Variants in LAMA2 observed in about 807,000 individuals in gnomAD.
The protein encoded by LAMA2 is laminin subunit alpha-2.
In LAMA2, 269 loss-of-function variants were observed where a neutral mutation model predicts 364.8. That is an observed-to-expected ratio of 0.74 (90% CI 0.67 to 0.82). The LOEUF (loss-of-function observed/expected upper bound fraction) is 0.82, where lower values mean the gene tolerates loss of function less well. Among genes scored for constraint, LAMA2 ranks in the 40% least tolerant of loss-of-function variants. The pLI, the probability that LAMA2 is intolerant of heterozygous loss-of-function variation, is 0.00. For missense variants in LAMA2, 3,807 were observed against 3,873.2 expected (o/e 0.98, Z 0.45); for synonymous variants, 1,379 against 1,370.6 (o/e 1.01, Z -0.14).
intron 12 of LAMA2, among the ~76,000 whole-genome samples, chr6:129,225,857 G>A (rs1225954921): frequency 6.6e-6 from 1 of 152,112 alleles, no homozygotes; most frequent in Non-Finnish European, 1.5e-5. Context: ...GGTCCACTTG[G>A]TGCAGAGCTG....
At chr6:129,377,258 T>G (rs1778423897) in intron 34 of LAMA2, among the ~76,000 whole-genome samples, 1 of 152,108 alleles carries the variant, frequency 6.6e-6, no homozygotes, top group African/African-American at 2.4e-5. Flanking sequence ...AAATGAAACA[T>G]TTCCAAAAGG....
chr6:129,401,641 A>G (rs1430789901), intron 38 of LAMA2, among the ~76,000 whole-genome samples: 1 of 152,232 alleles, frequency 6.6e-6, no homozygotes, highest in African/African-American at 2.4e-5. Context: ...TTCAATATTT[A>G]TATAACATTA....
chr6:129,212,749 C>T (rs899242856), intron 12 of LAMA2, among the ~76,000 whole-genome samples: 2 of 152,202 alleles, frequency 1.3e-5, no homozygotes, highest in Non-Finnish European at 2.9e-5. Context: ...TTTGCTTTCA[C>T]TTAGGAAGCA....
chr6:129,216,454 A>G (rs779805055), intron 12 of LAMA2, among the ~76,000 whole-genome samples: 2 of 152,194 alleles, frequency 1.3e-5, no homozygotes, highest in Non-Finnish European at 2.9e-5. Context: ...GATTTTTACT[A>G]TTCTAGAATA....
In LAMA2 at chr6:129,514,471, T is replaced by G; in HGVS notation, c.9087T>G (p.Thr3029=). The G allele has an allele frequency of 1.2e-6, 2 of 1,614,082 alleles. No individual in the cohort carries two copies. Among genetic ancestry groups the G allele is most frequent in the Non-Finnish European group, 1.7e-6 (2 of 1,179,996 alleles). ...GTGATGGACAATGGCATAAAGTCAC[T>G]GCCAACAAGATCAAACACCGCATTG... ...HLCDGQWHKV[T]ANKIKHRIEL... The change falls in exon 64 of 65, where the codon ACT becomes ACG. Residue 3029 remains threonine (T), a synonymous_variant. Transcript: ENST00000421865.
At chr6:129,335,356 G>GTAGATAGATAGATAGA (rs35228622) in intron 29 of LAMA2, among the ~76,000 whole-genome samples, 19 of 148,482 alleles carry the variant, frequency 1.3e-4, no homozygotes, top group African/African-American at 2.5e-4. Context: ...TAGTAAGTAG[G>GTAGATAGATAGATAGA]TAGATAGATA....
Position 129,464,366 on chromosome 6 carries a change from T to C in LAMA2, c.7069T>C (p.Trp2357Arg), listed in dbSNP as rs566627612. Residue 2357 changes from tryptophan to arginine, a missense_variant, in exon 50 of 65, where the codon TGG (tryptophan) becomes CGG (arginine). Around this residue, in one of 3 missense-constraint regions of LAMA2, gnomAD observed 3,333 missense variants for 3,345.7 expected, o/e 1.00. Coordinates refer to ENST00000421865, the MANE Select transcript of LAMA2 (RefSeq NM_000426.4). ...TGCATTGGTCAGCCGTCCCATTCGC[T>C]GGTACCCCAACATCTCCACTGTCAT... ...GYALVSRPIR[W>R]YPNISTVMFK... 3 of 1,611,966 alleles carry C rather than the reference T, an allele frequency of 1.9e-6. No individual in the cohort carries two copies. Among genetic ancestry groups the C allele is most frequent in the Admixed American group, 1.7e-5 (1 of 59,862 alleles).
intron 19 of LAMA2, among the ~76,000 whole-genome samples, chr6:129,290,281 T>C (rs1477345703): frequency 6.6e-6 from 1 of 152,140 alleles, no homozygotes; most frequent in Non-Finnish European, 1.5e-5. Context: ...TAAAAGTATA[T>C]ACAAATTCGA....
At chr6:129,257,331 T>A (rs763545913) in intron 14 of LAMA2, among the ~76,000 whole-genome samples, 1 of 152,070 alleles carries the variant, frequency 6.6e-6, no homozygotes, top group Non-Finnish European at 1.5e-5. Flanking sequence ...AGTACTAATG[T>A]GGAATATTAC....
At chr6:129,344,710 G>A (rs1041045369) in intron 30 of LAMA2, among the ~76,000 whole-genome samples, 2 of 152,170 alleles carry the variant, frequency 1.3e-5, no homozygotes, top group African/African-American at 4.8e-5. Context: ...AAGAGCCAAG[G>A]CAGGAGCAGT....
chr6:129,404,527 G>A (rs6899815), intron 40 of LAMA2, among the ~76,000 whole-genome samples: 76,364 of 151,926 alleles, frequency 0.5, 19,677 homozygotes, highest in African/African-American at 0.62. Context: ...GGCATTCCAA[G>A]TTCTATCACA....
intron 55 of LAMA2, among the ~76,000 whole-genome samples, chr6:129,482,513 C>T (rs535088497): frequency 3.1e-4 from 47 of 152,250 alleles, no homozygotes; most frequent in African/African-American, 8.7e-4. Context: ...ACCAAAAGAA[C>T]ACAATGCTTT....
At chr6:129,009,150 T>C (rs928007959) in intron 1 of LAMA2, among the ~76,000 whole-genome samples, 1 of 152,154 alleles carries the variant, frequency 6.6e-6, no homozygotes, top group Non-Finnish European at 1.5e-5. Flanking sequence ...TTGGATATCT[T>C]TGGAGAGTAT....
At chr6:129,029,135 T>C (rs1385494249) in intron 1 of LAMA2, among the ~76,000 whole-genome samples, 2 of 151,950 alleles carry the variant, frequency 1.3e-5, no homozygotes, top group Non-Finnish European at 1.5e-5. Context: ...AAGTTCCATA[T>C]GGAAAACTGA....
chr6:129,457,563 G>T (rs1178540933), intron 48 of LAMA2, among the ~76,000 whole-genome samples: 4 of 151,998 alleles, frequency 2.6e-5, no homozygotes, highest in African/African-American at 9.7e-5. Flanking sequence ...TACCTTGCTT[G>T]CATATTGTAG....
intron 12 of LAMA2, among the ~76,000 whole-genome samples, chr6:129,231,236 A>T (rs1388569537): frequency 2.6e-5 from 4 of 152,168 alleles, no homozygotes; most frequent in African/African-American, 9.6e-5. Context: ...CAAAACATAG[A>T]AACAAAGAAG....
At chr6:129,219,584 C>A (rs1783659675) in intron 12 of LAMA2, among the ~76,000 whole-genome samples, 3 of 149,310 alleles carry the variant, frequency 2.0e-5, no homozygotes, top group Non-Finnish European at 3.0e-5. Context: ...ACCCAAATGT[C>A]CAACAATGAT....
At chr6:129,410,330 A>G (rs1780465268) in intron 40 of LAMA2, among the ~76,000 whole-genome samples, 1 of 152,058 alleles carries the variant, frequency 6.6e-6, no homozygotes, top group African/African-American at 2.4e-5. Context: ...CTGAATTAAA[A>G]AAAAAAAAGA....
In LAMA2 at chr6:129,300,701, TC is replaced by T. The variant is rs780215546; in HGVS notation, c.3038-31del. 1.4e-5 allele frequency: 22 copies of T among 1,611,140 alleles called. No individual in the cohort carries two copies. In the Admixed American group the frequency reaches 3.7e-4, roughly 27 times the overall value. On this transcript the variant is annotated intron_variant, in intron 21 of 64. Transcript: ENST00000421865. ...CTTTGTGTCAAATTTTTACTATTTT[TC>T]CCCTTCTTTGTTTTCCCTCTTATAC...
Sources: gnomAD v4.1 joint callset for allele counts (sites outside exome capture counted in the v4.1 genomes callset) on GRCh38, gnomAD v4.1.1 for gene constraint, gnomAD v4.1.1 regional missense constraint, MANE v1.5 for transcripts, NCBI Gene and HGNC (gene_info 2026-07-23, HGNC 2026-07-21) for gene names.